PNISR: variants seen among roughly 807,000 people sequenced by gnomAD.
The protein encoded by PNISR is arginine/serine-rich protein PNISR.
Under a neutral mutation model 93.4 loss-of-function variants are expected in PNISR, and 20 were observed. The observed-to-expected ratio is 0.21, with a 90% CI of 0.15 to 0.31. The LOEUF (loss-of-function observed/expected upper bound fraction) is 0.31, where lower values mean the gene tolerates loss of function less well. PNISR is among the 10% of genes least tolerant of loss of function. The pLI is 1.00. For missense variants in PNISR, 893 were observed against 985.4 expected (o/e 0.91, Z 1.25); for synonymous variants, 305 against 306.5 (o/e 0.99, Z 0.05).
intron 1 of PNISR, among the ~76,000 whole-genome samples, chr6:99,419,274 A>G (rs2128494437): frequency 1.3e-5 from 2 of 151,540 alleles, no homozygotes; most frequent in Middle Eastern, 3.4e-3. Context: ...GTCCTAAACC[A>G]TGAATGTGAA....
rs1582815098 is a variant in PNISR at position 99,412,717 on chromosome 6, C to T, written c.111G>A (p.Leu37=). ...CTCTTTGGGCAATCCAAGCTTGGGC[C>T]AATGCAGCCCAATCAATCTGGCCTA... The part of the protein sequence containing the change: ...QDPSQIDWAA[L]AQAWIAQREA... The change falls in exon 4 of 12, where the codon TTG becomes TTA. Residue 37 remains leucine, a synonymous_variant. Coordinates refer to ENST00000369239, the MANE Select transcript of PNISR (RefSeq NM_032870.4). The T allele has an allele frequency of 6.3e-7, 1 of 1,585,448 alleles. No individual in the cohort carries two copies. Among genetic ancestry groups the T allele is most frequent in the Non-Finnish European group, 8.5e-7 (1 of 1,170,708 alleles).
At chr6:99,422,178 A>T in intron 1 of PNISR, among the ~76,000 whole-genome samples, 1 of 152,210 alleles carries the variant, frequency 6.6e-6, no homozygotes, top group East Asian at 1.9e-4. Context: ...AATGACAATC[A>T]TTAATATTTA....
chr6:99,419,465 G>T (rs1163310585), intron 1 of PNISR, among the ~76,000 whole-genome samples: 2 of 151,960 alleles, frequency 1.3e-5, no homozygotes, highest in Non-Finnish European at 2.9e-5. Flanking sequence ...CGTACAAACT[G>T]CATTAAGCGA....
At chr6:99,422,313 T>A (rs1021514108) in intron 1 of PNISR, among the ~76,000 whole-genome samples, 2 of 152,182 alleles carry the variant, frequency 1.3e-5, no homozygotes, top group East Asian at 1.9e-4. Flanking sequence ...ATGCATAGGA[T>A]GAAATATTTC....
At chr6:99,405,970 C>T in intron 8 of PNISR, 61 bp downstream of exon 8, 1 of 1,203,724 alleles carries the variant, frequency 8.3e-7, no homozygotes, top group African/African-American at 1.7e-5. Context: ...CTAATATTGT[C>T]TCCAAAAAAA....
intron 7 of PNISR, among the ~76,000 whole-genome samples, chr6:99,407,002 A>G (rs1776236739): frequency 7.6e-6 from 1 of 131,416 alleles, no homozygotes; most frequent in South Asian, 2.7e-4. Context: ...AATTTGGAAC[A>G]CCACTATTTC....
At chr6:99,423,171 T>C (rs1296763506) in intron 1 of PNISR, among the ~76,000 whole-genome samples, 1 of 150,894 alleles carries the variant, frequency 6.6e-6, no homozygotes, top group Non-Finnish European at 1.5e-5. Context: ...GATAGGAACA[T>C]GTCAAAGGAG....
In PNISR at chr6:99,416,434, G is replaced by A. The variant is rs113318732; in HGVS notation, c.-111-6C>T. On this transcript the variant is annotated splice_region_variant and splice_polypyrimidine_tract_variant and intron_variant, in intron 1 of 11. Coordinates refer to ENST00000369239, the MANE Select transcript of PNISR (RefSeq NM_032870.4). ...GCAGCAAGATTATGTATGCCCTAGG[G>A]GGAAAAAAAGTAGATGTCTGCTTAT... is the stretch of plus-strand genomic sequence containing the variant. The A allele has an allele frequency of 2.7e-6, 3 of 1,105,024 alleles. No individual in the cohort carries two copies. In the African/African-American group the frequency reaches 4.9e-5, roughly 18 times the overall value. The allele number at this position is 1,105,024 out of a possible 1,614,324, so 68.5% of individuals were successfully genotyped here.
chr6:99,408,920 T>A (rs1776493236), intron 6 of PNISR, among the ~76,000 whole-genome samples: 1 of 152,210 alleles, frequency 6.6e-6, no homozygotes, highest in African/African-American at 2.4e-5. Context: ...ACCAACATGC[T>A]ATGGCTAGCA....
At chr6:99,422,805 CA>C (rs1778740732) in intron 1 of PNISR, among the ~76,000 whole-genome samples, 1 of 130,104 alleles carries the variant, frequency 7.7e-6, no homozygotes, top group African/African-American at 2.9e-5. Flanking sequence ...ACCCGGGAGG[CA>C]GGGGTTGCAA....
chr6:99,401,265 T>A lies in PNISR; in HGVS notation c.1693A>T (p.Thr565Ser), dbSNP rs927217833. 2 of 1,613,006 alleles carry A rather than the reference T, an allele frequency of 1.2e-6. No individual in the cohort carries two copies. The highest frequency in any genetic ancestry group is 1.7e-6 in the Non-Finnish European group (2 of 1,179,586). ...CTCCTGCTACGTCTAGCTTTGATTG[T>A]TGGAGATCTACTCCTACTGTGTCTC... ...KKRHSRSRSP[T>S]IKARRSRSRS... Residue 565 changes from threonine to serine, a missense_variant, in exon 12 of 12, where the codon ACA becomes TCA. Transcript: ENST00000369239.
intron 1 of PNISR, among the ~76,000 whole-genome samples, chr6:99,424,380 C>T (rs1048225290): frequency 1.3e-5 from 2 of 151,736 alleles, no homozygotes; most frequent in African/African-American, 4.8e-5. Flanking sequence ...TAAACAAAAA[C>T]TGTTCTAAAA....
chr6:99,423,657 A>G (rs2128500022), intron 1 of PNISR, among the ~76,000 whole-genome samples: 1 of 152,320 alleles, frequency 6.6e-6, no homozygotes, highest in African/African-American at 2.4e-5. Flanking sequence ...TAATCATGAG[A>G]AAATCGTCTG....
Position 99,402,429 on chromosome 6 carries a change from A to G in PNISR, c.1327+111T>C, listed in dbSNP as rs112053303. 45 of 810,742 alleles carry G rather than the reference A, an allele frequency of 5.6e-5. No homozygotes were observed. In the African/African-American group the frequency reaches 6.8e-4, roughly 12 times the overall value. The allele number at this position is 810,742 out of a possible 1,614,324, so 50.2% of individuals were successfully genotyped here. The stretch of plus-strand genomic sequence containing the variant: ...GTGACTTTAGTTTCAGTTATATCAC[A>G]TATTATTTATAATATAGCCTTTATT... On this transcript the variant is annotated intron_variant, in intron 11 of 11. Transcript: ENST00000369239.
chr6:99,416,407 T>C lies in PNISR; in HGVS notation c.-90A>G, dbSNP rs1391012921. The C allele has an allele frequency of 2.5e-6, 3 of 1,212,586 alleles. No homozygotes were observed. The highest frequency in any genetic ancestry group is 3.1e-6 in the Non-Finnish European group (3 of 970,660). The allele number at this position is 1,212,586 out of a possible 1,614,324, so 75.1% of individuals were successfully genotyped here. A position where few individuals can be genotyped will look rare whatever the true frequency, so the allele number is the denominator to read the frequency against. On this transcript the variant is annotated 5_prime_UTR_variant, in exon 2 of 12. The change abolishes an upstream ATG in the 5' untranslated region. Transcript: ENST00000369239. ...TGATTCAGACTACAGCTTCGAAGCA[T>C]AGCAGCAAGATTATGTATGCCCTAG...
intron 3 of PNISR, 55 bp from the exon 4 acceptor site, chr6:99,412,794 G>C: frequency 3.9e-6 from 4 of 1,028,686 alleles, no homozygotes; most frequent in Non-Finnish European, 5.6e-6. Context: ...TAAAAGAATA[G>C]TGCCTCTATG....
At position 99,419,474 on chromosome 6, in the gene PNISR, G is replaced by GA. The variant is rs573446222; in HGVS notation, c.-111-3047dup. On this transcript the variant is annotated intron_variant, in intron 1 of 11. Coordinates refer to ENST00000369239, the MANE Select transcript of PNISR (RefSeq NM_032870.4). ...TATTACCGTACAAACTGCATTAAGC[G>GA]AAAAAAAGGGACTACAATCTGTCCC... Among the ~76,000 whole-genome samples the GA allele has an allele frequency of 3.2e-4, 48 of 151,816 alleles. 2 individuals carry two copies. The South Asian group carries it at 9.6e-3, about 30-fold the overall frequency.
intron 1 of PNISR, among the ~76,000 whole-genome samples, chr6:99,418,165 T>A (rs1777982177): frequency 6.6e-6 from 1 of 151,848 alleles, no homozygotes. Flanking sequence ...TGAGAGGCAG[T>A]CTCGCTCTGT....
intron 1 of PNISR, among the ~76,000 whole-genome samples, chr6:99,423,540 GTAA>G (rs1301137689): frequency 6.6e-6 from 1 of 152,182 alleles, no homozygotes. Flanking sequence ...ATCAAGGTCA[GTAA>G]TAATGTGATA....
Sources: allele counts gnomAD v4.1 joint callset (sites outside exome capture counted in the v4.1 genomes callset), GRCh38; gene constraint gnomAD v4.1.1; transcripts MANE v1.5; gene names NCBI Gene and HGNC (gene_info 2026-07-23, HGNC 2026-07-21).